VRK1: variants seen among roughly 807,000 people sequenced by gnomAD.
VRK1 encodes the protein serine/threonine-protein kinase VRK1.
Under a neutral mutation model 57.1 loss-of-function variants are expected in VRK1, and 33 were observed. That is an observed-to-expected ratio of 0.58 (90% CI 0.44 to 0.77). The LOEUF (loss-of-function observed/expected upper bound fraction) is 0.77. VRK1 is among the 30% of genes least tolerant of loss of function. VRK1 has a pLI of 0.00. For missense variants in VRK1, 413 were observed against 477.3 expected, an observed-to-expected ratio of 0.87 and a Z score of 1.25; for synonymous variants, 137 against 147.8, an observed-to-expected ratio of 0.93 and a Z score of 0.53.
intron 12 of VRK1, among the ~76,000 whole-genome samples, chr14:96,880,226 TC>T (rs1475585861): frequency 6.6e-6 from 1 of 152,210 alleles, no homozygotes; most frequent in African/African-American, 2.4e-5. Flanking sequence ...AAACCCATGA[TC>T]AGAAAACCTT....
intron 1 of VRK1, among the ~76,000 whole-genome samples, chr14:96,823,025 C>T (rs369710387): frequency 2.0e-5 from 3 of 152,310 alleles, no homozygotes; most frequent in African/African-American, 7.2e-5. Flanking sequence ...ACATGGTCCT[C>T]TTCCTCAACT....
intron 1 of VRK1, among the ~76,000 whole-genome samples, chr14:96,821,480 T>G (rs1417632112): frequency 2.0e-5 from 3 of 152,214 alleles, no homozygotes; most frequent in African/African-American, 7.2e-5. Context: ...TCTTAGGTTA[T>G]TCTATACCCC....
intron 5 of VRK1, among the ~76,000 whole-genome samples, chr14:96,851,272 C>T (rs1040660049): frequency 1.3e-5 from 2 of 151,984 alleles, no homozygotes; most frequent in African/African-American, 4.8e-5. Flanking sequence ...TCCCGAGTTG[C>T]TGGAATTACA....
chr14:96,858,905 A>C (rs1888271953), intron 10 of VRK1: 1 of 152,176 alleles, frequency 6.6e-6, no homozygotes, highest in Admixed American at 6.5e-5. Flanking sequence ...TCACCTTGTC[A>C]GTTACACACA....
chr14:96,809,718 G>A (rs1225566577), intron 1 of VRK1, among the ~76,000 whole-genome samples: 1 of 151,752 alleles, frequency 6.6e-6, no homozygotes, highest in African/African-American at 2.4e-5. Flanking sequence ...GATTATAGGC[G>A]CCTGCCACCA....
intron 5 of VRK1, among the ~76,000 whole-genome samples, chr14:96,851,424 A>C (rs1887945192): frequency 6.6e-6 from 1 of 152,156 alleles, no homozygotes. Flanking sequence ...TACTGGCGTG[A>C]ACTACCAGGC....
chr14:96,865,652 G>C (rs1193473119), intron 11 of VRK1, among the ~76,000 whole-genome samples: 1 of 152,038 alleles, frequency 6.6e-6, no homozygotes, highest in African/African-American at 2.4e-5. Context: ...GGCCCCTATA[G>C]TTACTTAGAT....
chr14:96,868,745 A>C (rs1260290285), intron 11 of VRK1, among the ~76,000 whole-genome samples: 1 of 151,752 alleles, frequency 6.6e-6, no homozygotes, highest in Non-Finnish European at 1.5e-5. Context: ...GGATATTATT[A>C]GATTTATTTT....
intron 11 of VRK1, among the ~76,000 whole-genome samples, chr14:96,865,969 A>G (rs1888571898): frequency 6.6e-6 from 1 of 152,022 alleles, no homozygotes; most frequent in Admixed American, 6.5e-5. Context: ...TTTTAAATGT[A>G]GTTTTTTAAG....
intron 11 of VRK1, among the ~76,000 whole-genome samples, chr14:96,869,918 G>A (rs564952381): frequency 1.3e-5 from 2 of 152,216 alleles, no homozygotes; most frequent in African/African-American, 4.8e-5. Flanking sequence ...GTTGCCTTGA[G>A]ATTAGTTAAC....
In VRK1 at chr14:96,798,341, A is replaced by G. The variant is rs193245796; in HGVS notation, c.-6+894A>G. 1.8e-3 allele frequency among the ~76,000 whole-genome samples: 276 copies of G among 152,300 alleles called. 1 individual carries two copies. Among genetic ancestry groups the G allele is most frequent in the African/African-American group, 6.6e-3 (274 of 41,564 alleles). ...CTCTTAGGTGGTAGAATTAAATTCG[A>G]CAGACAGCAGCAGAGTCAGACACTA... is the stretch of plus-strand genomic sequence containing the variant. On this transcript the variant is annotated intron_variant, in intron 1 of 12. Coordinates refer to ENST00000216639, the MANE Select transcript of VRK1 (RefSeq NM_003384.3).
At position 96,881,278 on chromosome 14, in the gene VRK1, C is replaced by A. The variant is rs997598961; in HGVS notation, c.*70C>A. 2.1e-6 allele frequency: 3 copies of A among 1,418,006 alleles called. No individual in the cohort carries two copies. The African/African-American group carries it at 4.3e-5, about 20-fold the overall frequency. 87.8% of individuals were successfully genotyped at this position (1,418,006 alleles called of 1,614,324 possible). A position where few individuals can be genotyped will look rare whatever the true frequency, so the allele number is the denominator to read the frequency against. On this transcript the variant is annotated 3_prime_UTR_variant, in exon 13 of 13. Transcript: ENST00000216639. ...ACTTTTTTCTCCTTTTCTATTTGAACTGTTTTATTTTCCTGTGAGTCTTGC... is the reference window on the plus strand; with the variant it reads ...ACTTTTTTCTCCTTTTCTATTTGAAATGTTTTATTTTCCTGTGAGTCTTGC...
chr14:96,865,477 C>T (rs1470476250), intron 11 of VRK1, among the ~76,000 whole-genome samples: 1 of 152,126 alleles, frequency 6.6e-6, no homozygotes, highest in African/African-American at 2.4e-5. Flanking sequence ...ACTTTTATTT[C>T]TTTAGCATTG....
chr14:96,875,001 T>C (rs1258132959), intron 11 of VRK1, among the ~76,000 whole-genome samples: 4 of 152,228 alleles, frequency 2.6e-5, no homozygotes, highest in African/African-American at 9.6e-5. Context: ...ATTGTGAACC[T>C]GTGAGATTTG....
intron 7 of VRK1, 118 bp downstream of exon 7, chr14:96,853,284 A>G: frequency 1.2e-6 from 1 of 839,252 alleles, no homozygotes; most frequent in African/African-American, 1.7e-5. Flanking sequence ...TATGGTAATA[A>G]TATTTCTTCT....
intron 1 of VRK1, among the ~76,000 whole-genome samples, chr14:96,819,414 G>C (rs143362434): frequency 2.6e-5 from 4 of 152,340 alleles, no homozygotes; most frequent in African/African-American, 7.2e-5. Flanking sequence ...ATCTAGGTCA[G>C]TGGGTCAGTC....
rs775040149 is a variant in VRK1, at chr14:96,853,026, G to A, written c.484-48G>A. ...TATGTTGAAGCTTGGTCCTCTGCTG[G>A]CTGGTGTTAGGTACTGCATTAACTT... On this transcript the variant is annotated intron_variant, in intron 6 of 12. Transcript: ENST00000216639. 5.2e-5 allele frequency: 83 copies of A among 1,606,294 alleles called. 1 individual carries two copies. The highest frequency in any genetic ancestry group is 3.3e-4 in the Middle Eastern group (2 of 6,062).
At chr14:96,798,306 C>T (rs1885523471) in intron 1 of VRK1, among the ~76,000 whole-genome samples, 1 of 152,206 alleles carries the variant, frequency 6.6e-6, no homozygotes, top group African/African-American at 2.4e-5. Flanking sequence ...TTGTGGTTCT[C>T]GTCTCAAAAC....
intron 7 of VRK1, among the ~76,000 whole-genome samples, chr14:96,854,914 T>C (rs1234558120): frequency 2.6e-5 from 4 of 152,222 alleles, no homozygotes; most frequent in Non-Finnish European, 4.4e-5. Flanking sequence ...GTATAAAATG[T>C]ATAATTTTCG....
Sources: allele counts gnomAD v4.1 joint callset (sites outside exome capture counted in the v4.1 genomes callset), GRCh38; gene constraint gnomAD v4.1.1; transcripts MANE v1.5; gene names NCBI Gene and HGNC (gene_info 2026-07-23, HGNC 2026-07-21).